CPA3: variants seen among roughly 807,000 people sequenced by gnomAD.
CPA3 encodes the protein mast cell carboxypeptidase A.
Under a neutral mutation model 55.8 loss-of-function variants are expected in CPA3, and 52 were observed. The ratio of observed to expected loss-of-function variants is 0.93; its 90% CI spans 0.75 to 1.17. The LOEUF (loss-of-function observed/expected upper bound fraction) is 1.17, where lower values mean the gene tolerates loss of function less well. CPA3 is among the 50% of genes most tolerant of loss of function. The pLI, the probability that CPA3 is intolerant of heterozygous loss-of-function variation, is 0.00. For synonymous variants in CPA3, 179 were observed against 171.2 expected (o/e 1.05, Z -0.36); for missense variants, 547 against 509.1 (o/e 1.07, Z -0.72).
chr3:148,887,011 T>C (rs987994363), intron 10 of CPA3, among the ~76,000 whole-genome samples: 4 of 152,254 alleles, frequency 2.6e-5, no homozygotes, highest in Non-Finnish European at 5.9e-5. Context: ...TTTCTTACTC[T>C]TCCCTATTTT....
At chr3:148,894,947 T>C (rs1452880895) in intron 10 of CPA3, among the ~76,000 whole-genome samples, 2 of 152,224 alleles carry the variant, frequency 1.3e-5, no homozygotes, top group Non-Finnish European at 2.9e-5. Flanking sequence ...TTTAACAGTA[T>C]GTTTTTTCCA....
intron 3 of CPA3, among the ~76,000 whole-genome samples, chr3:148,878,087 C>T (rs1714257320): frequency 6.6e-6 from 1 of 152,184 alleles, no homozygotes; most frequent in South Asian, 2.1e-4. Flanking sequence ...TTATTCTACA[C>T]AACATAAAAC....
chr3:148,896,825 C>T lies in CPA3; in HGVS notation c.*118C>T. The T allele has an allele frequency of 2.4e-6, 2 of 837,042 alleles. No individual in the cohort carries two copies. The highest frequency in any genetic ancestry group is 3.5e-6 in the Non-Finnish European group (2 of 570,178). 51.9% of individuals were successfully genotyped at this position (837,042 alleles called of 1,614,324 possible). The stretch of plus-strand genomic sequence containing the variant: ...ATTTCACCTGAATCCTTCTCTTGCT[C>T]ATTTAAGTCCCATGTTACTGCTGTT... On this transcript the variant is annotated 3_prime_UTR_variant, in exon 11 of 11. Coordinates refer to ENST00000296046, the MANE Select transcript of CPA3 (RefSeq NM_001870.4).
chr3:148,881,709 A>G, intron 7 of CPA3, 77 bp downstream of exon 7: 1 of 751,008 alleles, frequency 1.3e-6, no homozygotes. Context: ...CATTCAGCTT[A>G]GGGTTTAGGT....
chr3:148,881,059 C>T (rs1714348807), intron 6 of CPA3, among the ~76,000 whole-genome samples: 1 of 152,086 alleles, frequency 6.6e-6, no homozygotes, highest in Non-Finnish European at 1.5e-5. Context: ...TCTCTGAATT[C>T]TTGGGTATTT....
rs556775282 is a variant in CPA3, at chr3:148,892,718, C to T, written c.1067-3802C>T. On this transcript the variant is annotated intron_variant, in intron 10 of 10. Transcript: ENST00000296046. The stretch of plus-strand genomic sequence containing the variant: ...ACTGTCTGGGTGTGGTGGCACATGC[C>T]TGTAATCCCAGCACTTTGGGAGGCC... Among the ~76,000 whole-genome samples the T allele has an allele frequency of 1.9e-4, 29 of 152,234 alleles. No individual in the cohort carries two copies. In the South Asian group the frequency reaches 4.1e-3, roughly 22 times the overall value.
chr3:148,894,199 G>A (rs1230235179), intron 10 of CPA3, among the ~76,000 whole-genome samples: 1 of 152,184 alleles, frequency 6.6e-6, no homozygotes. Context: ...ATGTAGAGAA[G>A]TACTCAAGAC....
Position 148,868,934 on chromosome 3 carries a change from G to A in CPA3, c.164G>A (p.Gly55Asp). 1.2e-6 allele frequency: 2 copies of A among 1,613,790 alleles called. No homozygotes were observed. The highest frequency in any genetic ancestry group is 1.1e-5 in the South Asian group (1 of 91,044). The change falls in exon 3 of 11, where the codon GGT (glycine) becomes GAT (aspartate). Residue 55 changes from glycine to aspartate, a missense_variant. Gly to Asp is a moderately conservative substitution (Grantham distance 94). Transcript: ENST00000296046. ...CTGCAGCTTGACTTCTGGTATCCAG[G>A]TGCCACCCACCACGTAGCTGCTAAT... ...KTNELDFWYP[G>D]ATHHVAANMM...
chr3:148,882,798 TATC>T (rs1421041858), intron 8 of CPA3, among the ~76,000 whole-genome samples: 1 of 152,178 alleles, frequency 6.6e-6, no homozygotes, highest in African/African-American at 2.4e-5. Flanking sequence ...AGGGACTGTT[TATC>T]AAACCATCTC....
chr3:148,890,126 A>C (rs930049248), intron 10 of CPA3, among the ~76,000 whole-genome samples: 17 of 152,208 alleles, frequency 1.1e-4, no homozygotes, highest in African/African-American at 4.1e-4. Context: ...AAAAATCAGC[A>C]TTCAACACCA....
intron 10 of CPA3, among the ~76,000 whole-genome samples, chr3:148,892,795 T>C (rs542477912): frequency 4.2e-4 from 64 of 151,976 alleles, no homozygotes; most frequent in African/African-American, 1.4e-3. Context: ...CTGACCAATA[T>C]GGTGAAACCC....
intron 3 of CPA3, among the ~76,000 whole-genome samples, chr3:148,872,782 A>G (rs1559966646): frequency 1.3e-5 from 2 of 152,318 alleles, no homozygotes; most frequent in East Asian, 3.9e-4. Context: ...TGAAGTTACA[A>G]TTGGTCATGT....
In CPA3 at chr3:148,883,765, T is replaced by C. The variant is rs1559969598; in HGVS notation, c.931T>C (p.Leu311=). The C allele has an allele frequency of 6.2e-7, 1 of 1,614,100 alleles. No individual in the cohort carries two copies. The highest frequency in any genetic ancestry group is 1.3e-5 in the African/African-American group (1 of 75,036). The change falls in exon 9 of 11, where the codon TTG becomes CTG. Residue 311 remains leucine, a synonymous_variant. Coordinates refer to ENST00000296046, the MANE Select transcript of CPA3 (RefSeq NM_001870.4). ...ITFHSYSQML[L]FPYGYTSKLP... ...CTTCCATTCCTACTCCCAGATGCTA[T>C]TGTTTCCCTATGGATATACATCAAA...
chr3:148,867,860 G>A (rs1479671798), intron 2 of CPA3, among the ~76,000 whole-genome samples: 1 of 152,114 alleles, frequency 6.6e-6, no homozygotes, highest in African/African-American at 2.4e-5. Context: ...AGAACCACAA[G>A]AACTGGAATC....
intron 8 of CPA3, 137 bp from the exon 9 acceptor site, chr3:148,883,476 G>C: frequency 1.5e-6 from 1 of 656,306 alleles, no homozygotes; most frequent in Non-Finnish European, 2.6e-6. Flanking sequence ...TATGATACAA[G>C]AGACATTGAA....
chr3:148,886,871 G>A (rs755231996), intron 10 of CPA3, among the ~76,000 whole-genome samples: 8 of 152,140 alleles, frequency 5.3e-5, no homozygotes, highest in East Asian at 1.9e-4. Flanking sequence ...TCCTCTGGTC[G>A]TGTAAAACAA....
At chr3:148,875,274 G>C (rs912879502) in intron 3 of CPA3, among the ~76,000 whole-genome samples, 2 of 152,118 alleles carry the variant, frequency 1.3e-5, no homozygotes, top group Non-Finnish European at 2.9e-5. Flanking sequence ...ATTACCAAAA[G>C]GTGAGTAATT....
intron 2 of CPA3, among the ~76,000 whole-genome samples, chr3:148,866,999 A>C (rs949335886): frequency 2.0e-5 from 3 of 151,626 alleles, no homozygotes; most frequent in Non-Finnish European, 2.9e-5. Flanking sequence ...CAAGTGATCC[A>C]CCCGCCTCAG....
chr3:148,881,566 G>A lies in CPA3; in HGVS notation c.621G>A (p.Leu207=). The part of the protein sequence containing the change: ...YGRNKIMTKL[L]DRMNFYILPV... ...GAAACAAAATTATGACCAAACTCTT[G>A]GACCGAATGAATTTTTACATTCTTC... The change falls in exon 7 of 11, where the codon TTG becomes TTA. Residue 207 remains leucine (L), a synonymous_variant. Coordinates refer to ENST00000296046, the MANE Select transcript of CPA3 (RefSeq NM_001870.4). 6 of 1,612,430 alleles carry A rather than the reference G, an allele frequency of 3.7e-6. No individual in the cohort carries two copies. The highest frequency in any genetic ancestry group is 5.1e-6 in the Non-Finnish European group (6 of 1,179,202).
Sources: allele counts gnomAD v4.1 joint callset (sites outside exome capture counted in the v4.1 genomes callset), GRCh38; gene constraint gnomAD v4.1.1; transcripts MANE v1.5; gene names NCBI Gene and HGNC (gene_info 2026-07-23, HGNC 2026-07-21).